Variants in SCHIP1 observed in about 807,000 individuals in gnomAD.
SCHIP1 encodes schwannomin interacting protein 1.
Under a neutral mutation model 29.7 loss-of-function variants are expected in SCHIP1, and 8 were observed. The observed-to-expected ratio is 0.27, with a 90% confidence interval of 0.16 to 0.49. SCHIP1 has a LOEUF of 0.49. SCHIP1 is among the 20% of genes least tolerant of loss of function. The probability of loss-of-function intolerance (pLI) is 0.99; values close to 1 mark genes in which losing one functional copy is unlikely to be tolerated. For synonymous variants in SCHIP1, 76 were observed against 94.9 expected, an observed-to-expected ratio of 0.80 and a Z score of 1.16; for missense variants, 193 against 294.6, an observed-to-expected ratio of 0.66 and a Z score of 2.52.
the SCHIP1 span, among the ~76,000 whole-genome samples, chr3:159,314,076 G>T: frequency 6.6e-6 from 1 of 152,102 alleles, no homozygotes. Flanking sequence ...TTATGGTAAA[G>T]GTACTATTTT....
At chr3:159,593,314 A>G in the SCHIP1 span, among the ~76,000 whole-genome samples, 39 of 152,052 alleles carry the variant, frequency 2.6e-4, no homozygotes, top group African/African-American at 8.7e-4. Flanking sequence ...TCAGAGAAGC[A>G]CCCCTCCTGA....
At chr3:159,296,616 A>G in the SCHIP1 span, among the ~76,000 whole-genome samples, 1 of 152,138 alleles carries the variant, frequency 6.6e-6, no homozygotes, top group Admixed American at 6.5e-5. Context: ...TCTACTAAAG[A>G]TACAAAAACT....
the SCHIP1 span, among the ~76,000 whole-genome samples, chr3:159,771,985 GA>G: frequency 6.6e-6 from 1 of 152,066 alleles, no homozygotes; most frequent in South Asian, 2.1e-4. Context: ...AGAGCTTCTT[GA>G]ACAACTCACC....
chr3:159,624,586 A>G, the SCHIP1 span, among the ~76,000 whole-genome samples: 1 of 152,172 alleles, frequency 6.6e-6, no homozygotes. Flanking sequence ...CCCAAAATTC[A>G]TGGATTATCG....
At chr3:159,764,130 G>C in the SCHIP1 span, 1 of 303,412 alleles carries the variant, frequency 3.3e-6, no homozygotes, top group Non-Finnish European at 6.1e-6. This position sits in a 1 kb window ranked among gnomAD's most constrained non-coding sequence, Gnocchi z 6.1. Context: ...CGCGCCTGGC[G>C]CAAAATGGTT....
chr3:159,360,452 T>A, the SCHIP1 span, among the ~76,000 whole-genome samples: 3 of 152,242 alleles, frequency 2.0e-5, no homozygotes, highest in Non-Finnish European at 4.4e-5. Flanking sequence ...CCCCTATCCC[T>A]AACTCCTGGC....
the SCHIP1 span, among the ~76,000 whole-genome samples, chr3:159,407,734 C>T: frequency 6.6e-6 from 1 of 152,148 alleles, no homozygotes; most frequent in Non-Finnish European, 1.5e-5. Flanking sequence ...AAGAAGAAGT[C>T]TGGAAAGTAT....
At chr3:159,497,080 G>C in the SCHIP1 span, among the ~76,000 whole-genome samples, 1 of 152,090 alleles carries the variant, frequency 6.6e-6, no homozygotes, top group Non-Finnish European at 1.5e-5. Context: ...ACAGGAAGGG[G>C]AACATCACAC....
At chr3:159,295,294 T>A in the SCHIP1 span, among the ~76,000 whole-genome samples, 5 of 128,504 alleles carry the variant, frequency 3.9e-5, no homozygotes, top group African/African-American at 1.5e-4. Flanking sequence ...CCAGGCATGG[T>A]GGTGTGCGCC....
chr3:159,359,387 T>C, the SCHIP1 span, among the ~76,000 whole-genome samples: 1 of 152,192 alleles, frequency 6.6e-6, no homozygotes, highest in Non-Finnish European at 1.5e-5. Context: ...CCTGCCTTTC[T>C]GATGGGTCAT....
chr3:159,773,641 A>G, the SCHIP1 span, among the ~76,000 whole-genome samples: 1 of 152,232 alleles, frequency 6.6e-6, no homozygotes, highest in Non-Finnish European at 1.5e-5. Flanking sequence ...TTATCATTTG[A>G]TAGAAAAGAT....
chr3:159,462,795 T>C, the SCHIP1 span, among the ~76,000 whole-genome samples: 105 of 152,274 alleles, frequency 6.9e-4, 1 homozygote, highest in Non-Finnish European at 1.4e-3. Flanking sequence ...AGCATTTCCA[T>C]CTATTAAAAT....
At chr3:159,329,007 C>T in the SCHIP1 span, among the ~76,000 whole-genome samples, 1 of 152,142 alleles carries the variant, frequency 6.6e-6, no homozygotes, top group African/African-American at 2.4e-5. Flanking sequence ...GTTCCTGGCA[C>T]ATAGCAGGTG....
At chr3:159,765,449 G>C in the SCHIP1 span, 1 of 301,420 alleles carries the variant, frequency 3.3e-6, no homozygotes, top group African/African-American at 2.2e-5. Context: ...TGAGTCACTT[G>C]CCTGAAAATA....
At chr3:159,513,492 T>C in the SCHIP1 span, among the ~76,000 whole-genome samples, 26 of 70,304 alleles carry the variant, frequency 3.7e-4, 1 homozygote, top group South Asian at 0.014. Flanking sequence ...AGTAGCATTA[T>C]TTTAAGGAGA....
At chr3:159,688,153 G>T in the SCHIP1 span, among the ~76,000 whole-genome samples, 1 of 152,254 alleles carries the variant, frequency 6.6e-6, no homozygotes, top group South Asian at 2.1e-4. Context: ...ATTTCTAGTT[G>T]CAGATCCTTG....
At chr3:159,451,283 TAA>T in the SCHIP1 span, among the ~76,000 whole-genome samples, 1 of 152,226 alleles carries the variant, frequency 6.6e-6, no homozygotes, top group Non-Finnish European at 1.5e-5. Flanking sequence ...ACAACCCTCT[TAA>T]CTCTGATGAC....
At chr3:159,519,871 AT>A in the SCHIP1 span, among the ~76,000 whole-genome samples, 4,707 of 140,206 alleles carry the variant, frequency 0.034, 153 homozygotes, top group South Asian at 0.15. Context: ...GAAAAAAAAA[AT>A]ATATATATAT....
chr3:159,682,018 C>A, the SCHIP1 span, among the ~76,000 whole-genome samples: 1 of 152,358 alleles, frequency 6.6e-6, no homozygotes, highest in East Asian at 1.9e-4. Context: ...AAACCACATT[C>A]CACAGACCTT....
Sources: gnomAD v4.1 joint callset for allele counts (sites outside exome capture counted in the v4.1 genomes callset) on GRCh38, gnomAD v4.1.1 for gene constraint, Gnocchi (gnomAD v3.1) non-coding constraint, MANE v1.5 for transcripts, NCBI Gene and HGNC (gene_info 2026-07-23, HGNC 2026-07-21) for gene names.